The following HMCN1 variants were observed in gnomAD, a reference collection of about 807,000 sequenced individuals.
HMCN1 encodes hemicentin-1.
A neutral mutation model predicts 625.9 loss-of-function variants in HMCN1; 321 were observed. The observed-to-expected ratio is 0.51, with a 90% CI of 0.47 to 0.56. HMCN1 has a LOEUF of 0.56. HMCN1 is among the 20% of genes least tolerant of loss of function. HMCN1 has a pLI of 0.00. For missense variants in HMCN1, 6,588 were observed against 6,887.3 expected, an observed-to-expected ratio of 0.96 and a Z score of 1.54; for synonymous variants, 2,425 against 2,417.6, an observed-to-expected ratio of 1.00 and a Z score of -0.09.
At chr1:186,124,682 GTTAAT>G (rs1409456034) in intron 81 of HMCN1, among the ~76,000 whole-genome samples, 3 of 151,898 alleles carry the variant, frequency 2.0e-5, no homozygotes, top group African/African-American at 7.2e-5. Context: ...ATCGAAAACA[GTTAAT>G]TTAACTGAAA....
chr1:185,776,299 C>G (rs922352909), intron 1 of HMCN1, among the ~76,000 whole-genome samples: 1 of 151,972 alleles, frequency 6.6e-6, no homozygotes, highest in African/African-American at 2.4e-5. Flanking sequence ...AATTAGATAG[C>G]TTGTTTTTAG....
chr1:185,789,694 T>C (rs149505225), intron 1 of HMCN1, among the ~76,000 whole-genome samples: 156 of 152,330 alleles, frequency 1.0e-3, no homozygotes, highest in African/African-American at 3.6e-3. Context: ...TCTGTGATTG[T>C]GGTTGCTGTG....
rs141803799 is a variant in HMCN1 at position 186,048,815 on chromosome 1, A to G, written c.6553A>G (p.Lys2185Glu). Residue 2185 changes from lysine (K) to glutamate (E), a missense_variant, in exon 42 of 107, where the codon AAA (lysine) becomes GAA (glutamate). By Grantham distance (56) the Lys-to-Glu change is moderately conservative (BLOSUM62 1). Coordinates refer to ENST00000271588, the MANE Select transcript of HMCN1 (RefSeq NM_031935.3). ...EATNVAGKTE[K>E]NYNVNIWVPP... ...AACAAATGTTGCTGGAAAAACTGAAAAAAACTACAATGTCAACATTTGGGG... is the reference window on the plus strand; with the variant it reads ...AACAAATGTTGCTGGAAAAACTGAAGAAAACTACAATGTCAACATTTGGGG... 41 of 1,609,894 alleles carry G rather than the reference A, an allele frequency of 2.5e-5. No individual in the cohort carries two copies. The highest frequency in any genetic ancestry group is 3.5e-5 in the Non-Finnish European group (41 of 1,176,894).
chr1:185,757,604 T>C (rs1655214930), intron 1 of HMCN1, among the ~76,000 whole-genome samples: 1 of 152,130 alleles, frequency 6.6e-6, no homozygotes, highest in South Asian at 2.1e-4. Context: ...CAATTGTCAT[T>C]ATTACTCAAA....
intron 15 of HMCN1, among the ~76,000 whole-genome samples, 158 bp from the exon 16 acceptor site, chr1:185,977,628 CT>C (rs548892588): frequency 7.9e-5 from 12 of 152,244 alleles, no homozygotes; most frequent in African/African-American, 2.9e-4. Context: ...GAAACACCCA[CT>C]GTTTTTACCT....
intron 1 of HMCN1, among the ~76,000 whole-genome samples, chr1:185,775,992 T>C (rs73060485): frequency 0.047 from 7,212 of 152,236 alleles, 573 homozygotes; most frequent in African/African-American, 0.16. Context: ...TTAGGTTACA[T>C]TGACTGTTCT....
rs77068774 is a variant in HMCN1, at chr1:185,909,305, A to C, written c.622-32A>C. On this transcript the variant is annotated intron_variant, in intron 4 of 106. Coordinates refer to ENST00000271588, the MANE Select transcript of HMCN1 (RefSeq NM_031935.3). The stretch of plus-strand genomic sequence containing the variant: ...GATATAAAACTGCGAATGTTTTCTG[A>C]TATCACTTACACTTCTCTTTCTCTC... The C allele has an allele frequency of 7.1e-3, 11,107 of 1,564,210 alleles. 402 individuals carry two copies. The African/African-American group carries it at 0.091, about 13-fold the overall frequency.
At chr1:186,012,054 GA>G (rs1379490597) in intron 30 of HMCN1, among the ~76,000 whole-genome samples, 1 of 152,118 alleles carries the variant, frequency 6.6e-6, no homozygotes, top group Non-Finnish European at 1.5e-5. Context: ...AAAAGTCATA[GA>G]ACTGATGATG....
intron 93 of HMCN1, among the ~76,000 whole-genome samples, chr1:186,148,451 C>T (rs1447005863): frequency 1.3e-5 from 2 of 152,128 alleles, no homozygotes; most frequent in South Asian, 2.1e-4. Flanking sequence ...TTTCAATTTA[C>T]TTTGCCCAGA....
intron 11 of HMCN1, among the ~76,000 whole-genome samples, chr1:185,948,368 C>A (rs75549579): frequency 6.6e-6 from 1 of 150,910 alleles, no homozygotes; most frequent in Non-Finnish European, 1.5e-5. Flanking sequence ...GGGCTGAGTC[C>A]GAAAAGAGAG....
chr1:185,842,914 G>A (rs929536437), intron 1 of HMCN1, among the ~76,000 whole-genome samples: 1 of 152,196 alleles, frequency 6.6e-6, no homozygotes, highest in East Asian at 1.9e-4. Flanking sequence ...GGGAAAGTTA[G>A]CGAGCTGCAT....
intron 4 of HMCN1, among the ~76,000 whole-genome samples, chr1:185,883,462 T>A (rs545991584): frequency 5.9e-5 from 9 of 152,054 alleles, no homozygotes; most frequent in Non-Finnish European, 1.0e-4. Context: ...TTTCCTTCAG[T>A]TGATTGGTTT....
At chr1:186,139,923 G>A (rs2102542562) in intron 89 of HMCN1, among the ~76,000 whole-genome samples, 1 of 152,148 alleles carries the variant, frequency 6.6e-6, no homozygotes, top group African/African-American at 2.4e-5. Flanking sequence ...CATCCAGAAA[G>A]TATGTGAAAA....
Position 186,076,479 on chromosome 1 carries a change from G to A in HMCN1, c.8342G>A (p.Gly2781Asp), listed in dbSNP as rs143266620. The change falls in exon 54 of 107, where the codon GGC becomes GAC. Residue 2781 changes from glycine to aspartate, a missense_variant. By Grantham distance (94) the Gly-to-Asp change is moderately conservative. This residue lies in a region of HMCN1 where 4,628 missense variants were observed against 4,853.1 expected (regional missense o/e 0.95). Coordinates refer to ENST00000271588, the MANE Select transcript of HMCN1 (RefSeq NM_031935.3). ...LWEIGNMLDT[G>D]RNGEAKDVII... is the part of the protein sequence containing the mutation. ...GAAATAGGAAACATGCTAGATACTG[G>A]CAGGAATGGTGAAGCCAAAGATGTG... 23 of 1,613,530 alleles carry A rather than the reference G, an allele frequency of 1.4e-5. No homozygotes were observed. The African/African-American group carries it at 2.7e-4, about 19-fold the overall frequency.
intron 1 of HMCN1, among the ~76,000 whole-genome samples, chr1:185,818,728 G>A (rs1321740337): frequency 6.6e-6 from 1 of 152,054 alleles, no homozygotes; most frequent in Non-Finnish European, 1.5e-5. Flanking sequence ...ACTACACTTA[G>A]ATGAATAAAT....
chr1:185,840,993 G>T (rs1193699661), intron 1 of HMCN1, among the ~76,000 whole-genome samples: 1 of 152,136 alleles, frequency 6.6e-6, no homozygotes, highest in African/African-American at 2.4e-5. Context: ...ACAAGTAGCA[G>T]AAATCTGTAA....
chr1:185,986,250 A>C (rs947339487), intron 19 of HMCN1, among the ~76,000 whole-genome samples: 1 of 152,162 alleles, frequency 6.6e-6, no homozygotes. Flanking sequence ...AAGCCTTCCA[A>C]GGGATTTTTT....
Position 186,128,172 on chromosome 1 carries a change from T to G in HMCN1, c.12785T>G (p.Phe4262Cys). 6.2e-7 allele frequency: 1 copy of G among 1,613,740 alleles called. No individual in the cohort carries two copies. The highest frequency in any genetic ancestry group is 1.3e-5 in the African/African-American group (1 of 75,008). Reference sequence around the variant, plus strand: ...CTGACTGTGCATGTTCTCCCCACTTTTACTGAACTTCCTGGAGACGTGTCA... The same window carrying G: ...CTGACTGTGCATGTTCTCCCCACTTGTACTGAACTTCCTGGAGACGTGTCA... ...VSLTVHVLPT[F>C]TELPGDVSLN... The change falls in exon 83 of 107, where the codon TTT becomes TGT. Residue 4262 changes from phenylalanine to cysteine, a missense_variant. By Grantham distance (205) the Phe-to-Cys change is radical. Transcript: ENST00000271588.
In HMCN1 at chr1:186,065,415, G is replaced by A. The variant is rs1658046033; in HGVS notation, c.7691G>A (p.Ser2564Asn). ...GCTGGCCACAAGAGCAGGAGCTTCA[G>A]TCTTAATGTATTTGGTAGGTGTGGG... ...SPAGHKSRSF[S>N]LNVFVSPTIA... is the part of the protein sequence containing the mutation. The change falls in exon 49 of 107, where the codon AGT becomes AAT. Residue 2564 changes from serine to asparagine, a missense_variant. Physicochemically the swap from Ser to Asn is conservative, Grantham distance 46. Around this residue, in one of 3 missense-constraint regions of HMCN1, gnomAD observed 4,628 missense variants for 4,853.1 expected, o/e 0.95. Transcript: ENST00000271588. 1.2e-6 allele frequency: 2 copies of A among 1,603,794 alleles called. No individual in the cohort carries two copies. Among genetic ancestry groups the A allele is most frequent in the African/African-American group, 1.3e-5 (1 of 74,612 alleles).
Sources: gnomAD v4.1 joint callset for allele counts (sites outside exome capture counted in the v4.1 genomes callset) on GRCh38, gnomAD v4.1.1 for gene constraint, gnomAD v4.1.1 regional missense constraint, MANE v1.5 for transcripts, NCBI Gene and HGNC (gene_info 2026-07-23, HGNC 2026-07-21) for gene names.